Variants in FBXO34 observed in about 807,000 individuals in gnomAD.
FBXO34 encodes the protein F-box only protein 34.
In FBXO34, 12 loss-of-function variants were observed where a neutral mutation model predicts 24.5. That is an observed-to-expected ratio of 0.49 (90% CI 0.31 to 0.79). FBXO34 has a LOEUF of 0.79. FBXO34 is among the 30% of genes least tolerant of loss of function. The pLI is 0.04. For missense variants in FBXO34, 823 were observed against 857.7 expected (o/e 0.96, Z 0.51); for synonymous variants, 320 against 311.9 (o/e 1.03, Z -0.27).
the FBXO34 span, chr14:55,411,920 C>A: frequency 1.7e-6 from 2 of 1,152,566 alleles, no homozygotes; most frequent in South Asian, 3.1e-5. Flanking sequence ...GCTGGGATGC[C>A]GGCGAGCCCC....
At chr14:55,295,963 G>A (rs764550714) in intron 1 of FBXO34, among the ~76,000 whole-genome samples, 3 of 152,158 alleles carry the variant, frequency 2.0e-5, no homozygotes, top group Non-Finnish European at 4.4e-5. Flanking sequence ...GAATGAGACT[G>A]CTGTGACTGA....
chr14:55,433,693 C>G, the FBXO34 span: 3 of 1,614,042 alleles, frequency 1.9e-6, no homozygotes, highest in Admixed American at 3.3e-5. Flanking sequence ...CCTGGGCTCT[C>G]GGATCCTCAT....
the FBXO34 span, among the ~76,000 whole-genome samples, chr14:55,438,075 A>G: frequency 6.6e-6 from 1 of 152,154 alleles, no homozygotes; most frequent in African/African-American, 2.4e-5. Flanking sequence ...ATGCATTACC[A>G]CCTGCTTCAC....
the FBXO34 span, chr14:55,437,044 C>CA: frequency 6.3e-7 from 1 of 1,591,964 alleles, no homozygotes; most frequent in South Asian, 1.1e-5. Flanking sequence ...AACAGACAGA[C>CA]AAAAACACAA....
At chr14:55,338,966 C>T (rs925610780) in intron 1 of FBXO34, among the ~76,000 whole-genome samples, 3 of 151,510 alleles carry the variant, frequency 2.0e-5, no homozygotes, top group African/African-American at 4.8e-5. Flanking sequence ...AACCAGTTCT[C>T]TAAGATACAA....
At chr14:55,382,310 TA>T in the FBXO34 span, 1 of 784,924 alleles carries the variant, frequency 1.3e-6, no homozygotes, top group East Asian at 2.7e-5. Context: ...AATTTTACAT[TA>T]AATTTTTATT....
the FBXO34 span, among the ~76,000 whole-genome samples, chr14:55,408,508 A>G: frequency 6.6e-6 from 1 of 152,120 alleles, no homozygotes; most frequent in Non-Finnish European, 1.5e-5. Flanking sequence ...GTGGTGGCTC[A>G]TATCTGTAAT....
the FBXO34 span, among the ~76,000 whole-genome samples, chr14:55,425,993 T>C: frequency 6.6e-6 from 1 of 152,064 alleles, no homozygotes; most frequent in Non-Finnish European, 1.5e-5. Context: ...GGGGGCCGGG[T>C]GCGGTGGCTC....
the FBXO34 span, among the ~76,000 whole-genome samples, chr14:55,418,565 A>G: frequency 6.6e-6 from 1 of 152,190 alleles, no homozygotes; most frequent in Non-Finnish European, 1.5e-5. Flanking sequence ...TGGGAGGCAC[A>G]TCCTGTCGTG....
At position 55,336,664 on chromosome 14, in the gene FBXO34, T is replaced by A. The variant is rs183554180; in HGVS notation, c.-10-13717T>A. 2.6e-4 allele frequency among the ~76,000 whole-genome samples: 40 copies of A among 152,278 alleles called. No homozygotes were observed. In the East Asian group the frequency reaches 6.9e-3, roughly 26 times the overall value. On this transcript the variant is annotated intron_variant, in intron 1 of 1. Coordinates refer to ENST00000313833, the MANE Select transcript of FBXO34 (RefSeq NM_017943.4). ...CAGCAGTTGATCATCTCATAGCCAG[T>A]CTTGTTTGCTCAATACTCCCAACCA...
intron 1 of FBXO34, among the ~76,000 whole-genome samples, chr14:55,299,460 T>C (rs1882267920): frequency 6.7e-6 from 1 of 149,222 alleles, no homozygotes; most frequent in African/African-American, 2.5e-5. Flanking sequence ...TTTATAATGT[T>C]GAATTTCTGT....
chr14:55,383,762 A>G, the FBXO34 span, among the ~76,000 whole-genome samples: 190 of 150,948 alleles, frequency 1.3e-3, no homozygotes, highest in Middle Eastern at 0.01. Flanking sequence ...CTCTCAAATC[A>G]AAAAACAAAA....
the FBXO34 span, among the ~76,000 whole-genome samples, chr14:55,402,929 ATATATATAT>A: frequency 2.4e-4 from 4 of 16,368 alleles, no homozygotes; most frequent in South Asian, 5.2e-3. Flanking sequence ...AAAAAAAAAT[ATATATATAT>A]ATATATATAT....
Position 55,351,319 on chromosome 14 carries a change from G to A in FBXO34, c.929G>A (p.Arg310Gln), listed in dbSNP as rs1024306267. The stretch of plus-strand genomic sequence containing the variant: ...CTCTCAAGGAATAACAGCTTCCGTC[G>A]AAATGTGGGCAGAGTATTGCTTGCA... ...GSLSRNNSFR[R>Q]NVGRVLLANS... Residue 310 changes from arginine (R) to glutamine (Q), a missense_variant, in exon 2 of 2, where the codon CGA becomes CAA. Physicochemically the swap from Arg to Gln is conservative, Grantham distance 43. This residue lies in a region of FBXO34 where 693 missense variants were observed against 659.1 expected (regional missense o/e 1.05). Coordinates refer to ENST00000313833, the MANE Select transcript of FBXO34 (RefSeq NM_017943.4). 5 of 1,614,206 alleles carry A rather than the reference G, an allele frequency of 3.1e-6. No individual in the cohort carries two copies. The highest frequency in any genetic ancestry group is 4.2e-6 in the Non-Finnish European group (5 of 1,180,044).
At chr14:55,403,427 C>T in the FBXO34 span, among the ~76,000 whole-genome samples, 1 of 152,062 alleles carries the variant, frequency 6.6e-6, no homozygotes, top group Non-Finnish European at 1.5e-5. Flanking sequence ...TACTACAGTT[C>T]CTTCATTCAG....
At chr14:55,392,415 A>G in the FBXO34 span, among the ~76,000 whole-genome samples, 1 of 152,156 alleles carries the variant, frequency 6.6e-6, no homozygotes, top group Non-Finnish European at 1.5e-5. Context: ...TGGGAAGCTG[A>G]GGCAGGCACA....
At chr14:55,285,297 G>C (rs1881720029) in intron 1 of FBXO34, 1 of 151,056 alleles carries the variant, frequency 6.6e-6, no homozygotes, top group African/African-American at 2.4e-5. Context: ...TTGAACCCAG[G>C]AGGCAGAGGT....
chr14:55,315,853 A>G (rs778744761), intron 1 of FBXO34, among the ~76,000 whole-genome samples: 1 of 152,152 alleles, frequency 6.6e-6, no homozygotes, highest in African/African-American at 2.4e-5. Context: ...CCTTTCCATC[A>G]TTGTGAGTAA....
chr14:55,328,254 G>A (rs2140040453), intron 1 of FBXO34, among the ~76,000 whole-genome samples: 1 of 152,164 alleles, frequency 6.6e-6, no homozygotes, highest in South Asian at 2.1e-4. Flanking sequence ...CACCATACCT[G>A]GCCGATGTTT....
Sources: gnomAD v4.1 joint callset for allele counts (sites outside exome capture counted in the v4.1 genomes callset) on GRCh38, gnomAD v4.1.1 for gene constraint, gnomAD v4.1.1 regional missense constraint, MANE v1.5 for transcripts, NCBI Gene and HGNC (gene_info 2026-07-23, HGNC 2026-07-21) for gene names.